MRI1: variants seen among roughly 807,000 people sequenced by gnomAD.
MRI1 encodes the protein methylthioribose-1-phosphate isomerase.
Under a neutral mutation model 27.3 loss-of-function variants are expected in MRI1, and 32 were observed. That is an observed-to-expected ratio of 1.17 (90% confidence interval 0.88 to 1.57). The LOEUF is 1.57. MRI1 is among the 40% of genes most tolerant of loss of function. The pLI is 0.00. For missense variants in MRI1, 508 were observed against 516.1 expected (o/e 0.98, Z 0.15); for synonymous variants, 216 against 227.4 (o/e 0.95, Z 0.45).
intron 5 of MRI1, 81 bp from the exon 6 acceptor site, chr19:13,772,040 T>C: frequency 7.3e-7 from 1 of 1,367,048 alleles, no homozygotes; most frequent in Non-Finnish European, 1.0e-6. Flanking sequence ...AGAACCACTG[T>C]GGTAGAAACA....
Position 13,774,240 on chromosome 19 carries a change from T to G in MRI1, c.*1959T>G. Reference sequence around the variant, plus strand: ...AGATCATAAAACGTTGTAAGTTTTCTAAAACACATAAGCTCTCAATAAACG... The same window carrying G: ...AGATCATAAAACGTTGTAAGTTTTCGAAAACACATAAGCTCTCAATAAACG... On this transcript the variant is annotated 3_prime_UTR_variant, in exon 6 of 6. Transcript: ENST00000040663. 1 of 486,202 alleles carries G rather than the reference T, an allele frequency of 2.1e-6. No individual in the cohort carries two copies. The highest frequency in any genetic ancestry group is 3.1e-5 in the East Asian group (1 of 32,720). The allele number at this position is 486,202 out of a possible 1,614,324, so 30.1% of individuals were successfully genotyped here.
In MRI1 at chr19:13,764,863, C is replaced by G. The variant is rs1204774855; in HGVS notation, c.133-8C>G. 7.5e-7 allele frequency: 1 copy of G among 1,340,488 alleles called. No individual in the cohort carries two copies. The highest frequency in any genetic ancestry group is 1.5e-5 in the African/African-American group (1 of 65,438). 83.0% of individuals were successfully genotyped at this position (1,340,488 alleles called of 1,614,324 possible). A position where few individuals can be genotyped will look rare whatever the true frequency, so the allele number is the denominator to read the frequency against. The stretch of plus-strand genomic sequence containing the variant: ...GCAGCTTCCGACGCCCAAATCCCTG[C>G]CCCGCAGGTGCGGGGCGCCCCGGCC... On this transcript the variant is annotated splice_region_variant and splice_polypyrimidine_tract_variant and intron_variant, in intron 1 of 5. Transcript: ENST00000040663.
intron 3 of MRI1, among the ~76,000 whole-genome samples, chr19:13,767,956 C>T (rs1390166185): frequency 6.7e-6 from 1 of 148,280 alleles, no homozygotes; most frequent in Non-Finnish European, 1.5e-5. Flanking sequence ...GCAAGCTCCG[C>T]CTCCCAGGTT....
intron 3 of MRI1, among the ~76,000 whole-genome samples, chr19:13,767,392 T>C (rs1468837793): frequency 6.6e-6 from 1 of 152,026 alleles, no homozygotes; most frequent in Admixed American, 6.6e-5. Flanking sequence ...TCATAGCTAG[T>C]CCCATGTAAA....
At chr19:13,767,678 A>C (rs1293115698) in intron 3 of MRI1, among the ~76,000 whole-genome samples, 1 of 151,742 alleles carries the variant, frequency 6.6e-6, no homozygotes, top group African/African-American at 2.4e-5. Flanking sequence ...AGTGGTATGC[A>C]CCTGTGGTCC....
chr19:13,769,844 TG>T (rs1414741769), intron 5 of MRI1, among the ~76,000 whole-genome samples: 4 of 151,370 alleles, frequency 2.6e-5, no homozygotes, highest in Non-Finnish European at 4.4e-5. Context: ...CACTTGAACC[TG>T]AGAGGCGGAG....
rs201521540 is a variant in MRI1, at chr19:13,772,198, G to T, written c.1027G>T (p.Val343Phe). The change falls in exon 6 of 6, where the codon GTC becomes TTC. Residue 343 changes from valine (V) to phenylalanine (F), a missense_variant. By Grantham distance (50) the Val-to-Phe change is conservative. Coordinates refer to ENST00000040663, the MANE Select transcript of MRI1 (RefSeq NM_001031727.4). ...ITGGIITELG[V>F]FAPEELRTAL... is the part of the protein sequence containing the mutation. ...TGGTGGCATCATCACAGAACTGGGGGTCTTTGCCCCTGAGGAGCTCCGGAC... is the reference window on the plus strand; with the variant it reads ...TGGTGGCATCATCACAGAACTGGGGTTCTTTGCCCCTGAGGAGCTCCGGAC... 5 of 1,614,024 alleles carry T rather than the reference G, an allele frequency of 3.1e-6. No homozygotes were observed. The highest frequency in any genetic ancestry group is 3.4e-6 in the Non-Finnish European group (4 of 1,179,964).
At chr19:13,766,436 C>G (rs1974126339) in intron 3 of MRI1, among the ~76,000 whole-genome samples, 1 of 152,116 alleles carries the variant, frequency 6.6e-6, no homozygotes, top group Admixed American at 6.6e-5. Flanking sequence ...GAAAAGTCTC[C>G]TTGTATCTCA....
chr19:13,771,711 C>T (rs1177637962), intron 5 of MRI1, among the ~76,000 whole-genome samples: 1 of 151,948 alleles, frequency 6.6e-6, no homozygotes, highest in Non-Finnish European at 1.5e-5. Context: ...AAAATACTGG[C>T]TGGGCATGGT....
In MRI1 at chr19:13,764,915, C is replaced by T. The variant is rs770579813; in HGVS notation, c.177C>T (p.Leu59=). 5 of 1,481,322 alleles carry T rather than the reference C, an allele frequency of 3.4e-6. No individual in the cohort carries two copies. Among genetic ancestry groups the T allele is most frequent in the South Asian group, 1.3e-5 (1 of 77,176 alleles). The allele number at this position is 1,481,322 out of a possible 1,614,324, so 91.8% of individuals were successfully genotyped here. The stretch of plus-strand genomic sequence containing the variant: ...TAGCCCTGGTGGGCTGTCTCAGCCT[C>T]GCCGTGGAGCTGCAGGCGGGCGCCG... ...PAIALVGCLS[L]AVELQAGAGG... Residue 59 remains leucine, a synonymous_variant, in exon 2 of 6, where the codon CTC becomes CTT. Transcript: ENST00000040663.
intron 5 of MRI1, among the ~76,000 whole-genome samples, chr19:13,771,316 G>A (rs566401566): frequency 6.6e-6 from 1 of 151,472 alleles, no homozygotes; most frequent in South Asian, 2.1e-4. Context: ...GCAGTGAGTT[G>A]AGATCATGTC....
chr19:13,766,214 T>G, intron 3 of MRI1, 85 bp downstream of exon 3: 1 of 1,299,860 alleles, frequency 7.7e-7, no homozygotes, highest in Non-Finnish European at 1.0e-6. Context: ...CCCAAACCAC[T>G]TTATCCACAA....
intron 5 of MRI1, among the ~76,000 whole-genome samples, chr19:13,769,919 CAA>C (rs796381451): frequency 2.3e-5 from 3 of 130,552 alleles, no homozygotes; most frequent in Non-Finnish European, 1.7e-5. Flanking sequence ...GATTCTGTCT[CAA>C]AAAAAAAAAA....
At position 13,772,436 on chromosome 19, in the gene MRI1, G is replaced by A; in HGVS notation, c.*155G>A. 1 of 656,116 alleles carries A rather than the reference G, an allele frequency of 1.5e-6. No individual in the cohort carries two copies. Among genetic ancestry groups the A allele is most frequent in the South Asian group, 2.3e-5 (1 of 43,358 alleles). 40.6% of individuals were successfully genotyped at this position (656,116 alleles called of 1,614,324 possible). A position where few individuals can be genotyped will look rare whatever the true frequency, so the allele number is the denominator to read the frequency against. On this transcript the variant is annotated 3_prime_UTR_variant, in exon 6 of 6. Transcript: ENST00000040663. ...ATCTAGAGCCCAGCACCTAGAGCCA[G>A]GCTGCCCAGATTCAAATCCTGACTC...
rs555920463 is a variant in MRI1 at position 13,770,573 on chromosome 19, C to T, written c.949+1525C>T. ...CTGCACTCCAGTCTGGGTGACAGAGCGAAACTCCATCTCAAAAATAAAAAA... is the reference window on the plus strand; with the variant it reads ...CTGCACTCCAGTCTGGGTGACAGAGTGAAACTCCATCTCAAAAATAAAAAA... On this transcript the variant is annotated intron_variant, in intron 5 of 5. Coordinates refer to ENST00000040663, the MANE Select transcript of MRI1 (RefSeq NM_001031727.4). 4.6e-5 allele frequency among the ~76,000 whole-genome samples: 7 copies of T among 150,748 alleles called. No homozygotes were observed. The South Asian group carries it at 6.3e-4, about 14-fold the overall frequency.
intron 3 of MRI1, among the ~76,000 whole-genome samples, chr19:13,767,878 T>C (rs1019008319): frequency 7.6e-6 from 1 of 131,956 alleles, no homozygotes; most frequent in Non-Finnish European, 1.6e-5. Context: ...TTTTTTTTTT[T>C]TTTTTTTTGA....
Position 13,764,582 on chromosome 19 carries a change from C to G in MRI1, c.-7C>G. 1 of 1,607,472 alleles carries G rather than the reference C, an allele frequency of 6.2e-7. No homozygotes were observed. ...CTCTGAGTTGCGCTGGGCTTGGCTG[C>G]TGCACCATGACCCTGGAGGCGATCC... On this transcript the variant is annotated 5_prime_UTR_variant, in exon 1 of 6. Transcript: ENST00000040663.
chr19:13,767,996 G>A (rs57013873), intron 3 of MRI1, among the ~76,000 whole-genome samples: 3,992 of 150,610 alleles, frequency 0.027, 155 homozygotes, highest in African/African-American at 0.093. Flanking sequence ...CGCCTCTCGA[G>A]TAGCTGGGAC....
intron 5 of MRI1, among the ~76,000 whole-genome samples, chr19:13,769,983 T>C (rs1415550204): frequency 6.6e-6 from 1 of 152,196 alleles, no homozygotes; most frequent in East Asian, 1.9e-4. Context: ...TTTATTTTCA[T>C]AGAGATAGGG....
Sources: allele counts gnomAD v4.1 joint callset (sites outside exome capture counted in the v4.1 genomes callset), GRCh38; gene constraint gnomAD v4.1.1; transcripts MANE v1.5; gene names NCBI Gene and HGNC (gene_info 2026-07-23, HGNC 2026-07-21).